Variants in PHACTR1 observed in about 807,000 individuals in gnomAD.
PHACTR1 encodes the protein phosphatase and actin regulator 1, also known as RPEL repeat containing 1.
A neutral mutation model predicts 69.2 loss-of-function variants in PHACTR1; 16 were observed. The ratio of observed to expected loss-of-function variants is 0.23; its 90% CI spans 0.16 to 0.35. The LOEUF is 0.35. Among genes scored for constraint, PHACTR1 ranks in the 10% least tolerant of loss-of-function variants. The pLI is 1.00. For missense variants in PHACTR1, 510 were observed against 734.7 expected, an observed-to-expected ratio of 0.69 and a Z score of 3.54; for synonymous variants, 312 against 284.5, an observed-to-expected ratio of 1.10 and a Z score of -0.97.
rs183872706 is a variant in PHACTR1 at position 12,936,746 on chromosome 6, C to T, written c.251-116619C>T. Among the ~76,000 whole-genome samples, 428 of 152,334 alleles carry T rather than the reference C, an allele frequency of 2.8e-3. 2 individuals are homozygous for T. The highest frequency in any genetic ancestry group is 3.8e-3 in the Non-Finnish European group (260 of 68,032). ...AGACTGCAAGCAGGTCAAGAATTAG[C>T]TCCTTTGAGATTTAGGCATGTAATT... On this transcript the variant is annotated intron_variant, in intron 4 of 14. Coordinates refer to ENST00000332995, the MANE Select transcript of PHACTR1 (RefSeq NM_030948.6).
intron 9 of PHACTR1, among the ~76,000 whole-genome samples, chr6:13,229,262 G>A (rs923746990): frequency 1.2e-4 from 19 of 152,284 alleles, no homozygotes; most frequent in South Asian, 1.2e-3. Context: ...GCCTCTGTCC[G>A]CTAGATGCCA....
chr6:12,768,109 C>CTTTTTTT (rs781107897), intron 4 of PHACTR1, among the ~76,000 whole-genome samples: 14 of 107,582 alleles, frequency 1.3e-4, no homozygotes, highest in African/African-American at 1.8e-4. Flanking sequence ...CTATCAAATC[C>CTTTTTTT]TTTTTTTTTT....
At chr6:12,815,956 A>G (rs148825761) in intron 4 of PHACTR1, among the ~76,000 whole-genome samples, 20 of 152,326 alleles carry the variant, frequency 1.3e-4, no homozygotes, top group African/African-American at 7.2e-5. Context: ...TCCTGGGCAT[A>G]TACTCAGCTT....
At chr6:13,223,001 A>G (rs892341719) in intron 8 of PHACTR1, among the ~76,000 whole-genome samples, 1 of 152,240 alleles carries the variant, frequency 6.6e-6, no homozygotes, top group Non-Finnish European at 1.5e-5. Context: ...GTACTTATGC[A>G]TATATCAATA....
At chr6:12,964,315 GA>G (rs1330157308) in intron 4 of PHACTR1, among the ~76,000 whole-genome samples, 1 of 151,982 alleles carries the variant, frequency 6.6e-6, no homozygotes, top group Non-Finnish European at 1.5e-5. Flanking sequence ...GCTTCCATGA[GA>G]ACAGAAAAAA....
chr6:13,220,295 A>G (rs1197671356), intron 8 of PHACTR1, among the ~76,000 whole-genome samples: 3 of 152,232 alleles, frequency 2.0e-5, no homozygotes, highest in African/African-American at 7.2e-5. Context: ...CATCCCTATT[A>G]CATTTGTCAA....
chr6:13,082,634 G>A lies in PHACTR1; in HGVS notation c.415+29105G>A, dbSNP rs566184661. Among the ~76,000 whole-genome samples the A allele has an allele frequency of 2.5e-3, 374 of 152,226 alleles. 2 individuals carry two copies. Among genetic ancestry groups the A allele is most frequent in the African/African-American group, 8.7e-3 (362 of 41,554 alleles). The stretch of plus-strand genomic sequence containing the variant: ...GTTGTTTCCTGACTTATTAATGATC[G>A]CCATTCTAACTGGTGTGAGATGGTA... On this transcript the variant is annotated intron_variant, in intron 5 of 14. Coordinates refer to ENST00000332995, the MANE Select transcript of PHACTR1 (RefSeq NM_030948.6).
intron 4 of PHACTR1, among the ~76,000 whole-genome samples, chr6:13,026,763 C>T (rs1801754321): frequency 6.6e-6 from 1 of 151,968 alleles, no homozygotes. Context: ...TGCTACATTG[C>T]TTCTGGGTGT....
At chr6:13,036,100 G>A (rs916511348) in intron 4 of PHACTR1, among the ~76,000 whole-genome samples, 3 of 151,364 alleles carry the variant, frequency 2.0e-5, no homozygotes, top group African/African-American at 7.3e-5. Context: ...ATGGCTAGTC[G>A]CTGACAGTGA....
At chr6:12,837,091 C>G (rs955099301) in intron 4 of PHACTR1, among the ~76,000 whole-genome samples, 2 of 152,168 alleles carry the variant, frequency 1.3e-5, no homozygotes, top group African/African-American at 4.8e-5. Flanking sequence ...TTCTCTGCTA[C>G]AAACCCTGCT....
At chr6:12,993,518 G>A (rs1797056483) in intron 4 of PHACTR1, among the ~76,000 whole-genome samples, 1 of 152,206 alleles carries the variant, frequency 6.6e-6, no homozygotes, top group Non-Finnish European at 1.5e-5. Context: ...CTCAATTTAA[G>A]GGCAGAGATG....
rs778568945 is a variant in PHACTR1, at chr6:13,126,650, G to GT, written c.416-33552dup. On this transcript the variant is annotated intron_variant, in intron 5 of 14. Coordinates refer to ENST00000332995, the MANE Select transcript of PHACTR1 (RefSeq NM_030948.6). The stretch of plus-strand genomic sequence containing the variant: ...TATACAAGCTAAATATCCACCATGT[G>GT]TTAAGTGCATATCTGGGCTCATTTA... Among the ~76,000 whole-genome samples, 5 of 152,328 alleles carry GT rather than the reference G, an allele frequency of 3.3e-5. No individual in the cohort carries two copies. In the East Asian group the frequency reaches 9.6e-4, roughly 29 times the overall value.
intron 5 of PHACTR1, among the ~76,000 whole-genome samples, chr6:13,056,567 C>T (rs1806814599): frequency 6.6e-6 from 1 of 152,102 alleles, no homozygotes; most frequent in Non-Finnish European, 1.5e-5. Flanking sequence ...TATTCATTGA[C>T]ACTTGTTGAA....
intron 4 of PHACTR1, among the ~76,000 whole-genome samples, chr6:12,946,242 G>A (rs561115361): frequency 1.9e-4 from 29 of 152,116 alleles, no homozygotes; most frequent in African/African-American, 6.8e-4. Context: ...AGAAAATGTG[G>A]CATCAGGGAG....
rs992039865 is a variant in PHACTR1 at position 12,895,729 on chromosome 6, C to T, written c.250+145939C>T. Among the ~76,000 whole-genome samples, 8 of 152,312 alleles carry T rather than the reference C, an allele frequency of 5.3e-5. No homozygotes were observed. The East Asian group carries it at 7.7e-4, about 15-fold the overall frequency. On this transcript the variant is annotated intron_variant, in intron 4 of 14. Coordinates refer to ENST00000332995, the MANE Select transcript of PHACTR1 (RefSeq NM_030948.6). Reference sequence around the variant, plus strand: ...TGACATCATCTTCATCAGAACTCTACGTATTGATTCTCGAGCCTAGCTGCA... The same window carrying T: ...TGACATCATCTTCATCAGAACTCTATGTATTGATTCTCGAGCCTAGCTGCA...
At chr6:13,184,751 A>G in intron 7 of PHACTR1, 2 of 1,338,346 alleles carry the variant, frequency 1.5e-6, no homozygotes, top group Non-Finnish European at 2.0e-6. Context: ...CCCCGCCTGC[A>G]CTGCGTTTGT....
At chr6:13,240,361 T>A (rs1332276228) in intron 10 of PHACTR1, among the ~76,000 whole-genome samples, 1 of 150,834 alleles carries the variant, frequency 6.6e-6, no homozygotes, top group East Asian at 1.9e-4. Flanking sequence ...TTGTTCTTGT[T>A]TGTTAATCTA....
intron 4 of PHACTR1, among the ~76,000 whole-genome samples, chr6:12,977,167 G>A (rs1247625971): frequency 6.6e-6 from 1 of 152,108 alleles, no homozygotes. Flanking sequence ...GGCTAGGCTG[G>A]TCTTGAACTC....
intron 4 of PHACTR1, among the ~76,000 whole-genome samples, chr6:12,888,545 G>T (rs894608742): frequency 6.6e-6 from 1 of 152,014 alleles, no homozygotes; most frequent in African/African-American, 2.4e-5. Flanking sequence ...AAAACCTCAA[G>T]TCATGAAAAT....
Sources: gnomAD v4.1 joint callset for allele counts (sites outside exome capture counted in the v4.1 genomes callset) on GRCh38, gnomAD v4.1.1 for gene constraint, MANE v1.5 for transcripts, NCBI Gene and HGNC (gene_info 2026-07-23, HGNC 2026-07-21) for gene names.